GAB2: variants seen among roughly 807,000 people sequenced by gnomAD.
The protein encoded by GAB2 is GRB2-associated-binding protein 2.
Under a neutral mutation model 65.5 loss-of-function variants are expected in GAB2, and 26 were observed. That is an observed-to-expected ratio of 0.40 (90% confidence interval 0.29 to 0.55). The LOEUF (loss-of-function observed/expected upper bound fraction) is 0.55. Ranked by LOEUF, GAB2 falls within the 20% of genes least tolerant of loss-of-function variation. The pLI, the probability that GAB2 is intolerant of heterozygous loss-of-function variation, is 0.53. For missense variants in GAB2, 884 were observed against 875.8 expected, an observed-to-expected ratio of 1.01 and a Z score of -0.12; for synonymous variants, 321 against 329.6, an observed-to-expected ratio of 0.97 and a Z score of 0.28.
chr11:78,348,324 G>C (rs186998169), intron 1 of GAB2, among the ~76,000 whole-genome samples: 3 of 152,170 alleles, frequency 2.0e-5, no homozygotes, highest in Non-Finnish European at 2.9e-5. Flanking sequence ...TGAAGGAAAT[G>C]TTTAATATAT....
At chr11:78,388,117 C>T (rs1856791829) in intron 1 of GAB2, 1 of 151,676 alleles carries the variant, frequency 6.6e-6, no homozygotes, top group Admixed American at 6.6e-5. Context: ...AATCTGTTTC[C>T]TGGCTTCAAG....
intron 1 of GAB2, among the ~76,000 whole-genome samples, chr11:78,380,970 G>A (rs974668722): frequency 2.0e-5 from 3 of 152,190 alleles, no homozygotes; most frequent in Non-Finnish European, 4.4e-5. Flanking sequence ...CTCTGCCTAT[G>A]TAAGTGAAAC....
At chr11:78,400,694 G>C (rs557968901) in intron 1 of GAB2, among the ~76,000 whole-genome samples, 1 of 152,210 alleles carries the variant, frequency 6.6e-6, no homozygotes, top group South Asian at 2.1e-4. Context: ...CTTGAGGCCA[G>C]GAGTTCGAGA....
chr11:78,222,041 C>T, intron 7 of GAB2, 64 bp downstream of exon 7: 1 of 1,040,898 alleles, frequency 9.6e-7, no homozygotes, highest in Non-Finnish European at 1.5e-6. Context: ...AGGCCAGCTA[C>T]CACATCACTC....
At chr11:78,343,698 T>C (rs1856137596) in intron 1 of GAB2, among the ~76,000 whole-genome samples, 1 of 152,210 alleles carries the variant, frequency 6.6e-6, no homozygotes, top group Admixed American at 6.5e-5. Flanking sequence ...GGCACATATG[T>C]GATTTTAAAA....
At chr11:78,390,325 T>C (rs1331171120) in intron 1 of GAB2, among the ~76,000 whole-genome samples, 1 of 152,154 alleles carries the variant, frequency 6.6e-6, no homozygotes, top group Non-Finnish European at 1.5e-5. Context: ...AACAGTCTCA[T>C]AAAAAGACTT....
intron 1 of GAB2, among the ~76,000 whole-genome samples, chr11:78,281,663 G>C (rs1866339839): frequency 6.6e-6 from 1 of 152,208 alleles, no homozygotes; most frequent in Admixed American, 6.5e-5. Context: ...AAAAATGGAG[G>C]ATTACTTTGG....
intron 1 of GAB2, among the ~76,000 whole-genome samples, chr11:78,378,270 C>T (rs1490663671): frequency 1.3e-5 from 2 of 152,192 alleles, no homozygotes; most frequent in African/African-American, 4.8e-5. Flanking sequence ...CAAACACAGA[C>T]AAGCAGTATG....
At chr11:78,407,011 T>A (rs1466125562) in intron 1 of GAB2, among the ~76,000 whole-genome samples, 1 of 151,730 alleles carries the variant, frequency 6.6e-6, no homozygotes, top group African/African-American at 2.4e-5. Flanking sequence ...ATAGAATCAG[T>A]GAATGGGAAA....
chr11:78,250,150 C>T lies in GAB2; in HGVS notation c.620+7G>A, dbSNP rs761314401. 1.9e-6 allele frequency: 3 copies of T among 1,612,134 alleles called. No individual in the cohort carries two copies. Among genetic ancestry groups the T allele is most frequent in the African/African-American group, 1.3e-5 (1 of 74,640 alleles). ...TAACCCACCTAATGGCTGTGGCAGC[C>T]TCCTACCTTGCATTTTCTGCTCTTC... On this transcript the variant is annotated splice_region_variant and intron_variant, in intron 3 of 9. Coordinates refer to ENST00000361507, the MANE Select transcript of GAB2 (RefSeq NM_080491.3).
intron 1 of GAB2, among the ~76,000 whole-genome samples, chr11:78,416,836 T>C (rs966053437): frequency 7.7e-6 from 1 of 130,668 alleles, no homozygotes; most frequent in East Asian, 2.4e-4. Flanking sequence ...CTGTTCCACC[T>C]CCCCCAGGCT....
chr11:78,302,272 TCA>T (rs1867044526), intron 1 of GAB2, among the ~76,000 whole-genome samples: 2 of 152,258 alleles, frequency 1.3e-5, no homozygotes, highest in Admixed American at 1.3e-4. Context: ...GAGAAAATCT[TCA>T]CAGTCTATAC....
chr11:78,319,463 T>C (rs1342718768), intron 1 of GAB2, among the ~76,000 whole-genome samples: 1 of 152,196 alleles, frequency 6.6e-6, no homozygotes, highest in Non-Finnish European at 1.5e-5. Flanking sequence ...CAGTACTAGT[T>C]GGGGAAAAAA....
chr11:78,383,362 G>C (rs1280367742), intron 1 of GAB2, among the ~76,000 whole-genome samples: 1 of 152,032 alleles, frequency 6.6e-6, no homozygotes, highest in Non-Finnish European at 1.5e-5. Flanking sequence ...TCCATGAAAA[G>C]TAGGCATAAG....
chr11:78,290,191 G>A (rs568439606), intron 1 of GAB2, among the ~76,000 whole-genome samples: 1 of 152,258 alleles, frequency 6.6e-6, no homozygotes, highest in South Asian at 2.1e-4. Context: ...TCTAAATTAG[G>A]GTAGTAATAA....
intron 1 of GAB2, among the ~76,000 whole-genome samples, chr11:78,414,197 A>C (rs936540871): frequency 3.9e-5 from 6 of 152,114 alleles, no homozygotes; most frequent in Admixed American, 6.5e-5. Context: ...TCATCATTTC[A>C]ATTTTCCTTT....
At chr11:78,281,127 C>G (rs898659115) in intron 1 of GAB2, among the ~76,000 whole-genome samples, 1 of 151,988 alleles carries the variant, frequency 6.6e-6, no homozygotes, top group Non-Finnish European at 1.5e-5. Context: ...CTAATTAAAA[C>G]ATTTTTTTGT....
rs2134448512 is a variant in GAB2, at chr11:78,219,239, T to C, written c.*33A>G. 6.2e-7 allele frequency: 1 copy of C among 1,605,120 alleles called. No individual in the cohort carries two copies. The highest frequency in any genetic ancestry group is 8.5e-7 in the Non-Finnish European group (1 of 1,174,912). Reference sequence around the variant, plus strand: ...AGATGGGAAGGGCCAGCTCTGGAGATGCTGCCTCCTGGGCTCTGCGGTGGC... The same window carrying C: ...AGATGGGAAGGGCCAGCTCTGGAGACGCTGCCTCCTGGGCTCTGCGGTGGC... On this transcript the variant is annotated 3_prime_UTR_variant, in exon 10 of 10. Transcript: ENST00000361507.
At chr11:78,222,360 G>C (rs569762949) in intron 6 of GAB2, among the ~76,000 whole-genome samples, 165 bp from the exon 7 acceptor site, 3 of 152,164 alleles carry the variant, frequency 2.0e-5, no homozygotes, top group African/African-American at 7.2e-5. Context: ...TGCCCATATT[G>C]ATGAGCCTTG....
Sources: allele counts gnomAD v4.1 joint callset (sites outside exome capture counted in the v4.1 genomes callset), GRCh38; gene constraint gnomAD v4.1.1; transcripts MANE v1.5; gene names NCBI Gene and HGNC (gene_info 2026-07-23, HGNC 2026-07-21).